The following GLI4 variants were observed in gnomAD, a reference collection of about 807,000 sequenced individuals.
GLI4 encodes GLI family zinc finger 4.
A neutral mutation model predicts 30.9 loss-of-function variants in GLI4; 34 were observed. The ratio of observed to expected loss-of-function variants is 1.10; its 90% CI spans 0.84 to 1.47. The LOEUF (loss-of-function observed/expected upper bound fraction) is 1.47. GLI4 is among the 40% of genes most tolerant of loss of function. GLI4 has a pLI of 0.00. For missense variants in GLI4, 696 were observed against 538.9 expected, an observed-to-expected ratio of 1.29 and a Z score of -2.89; for synonymous variants, 277 against 236.7, an observed-to-expected ratio of 1.17 and a Z score of -1.56.
At chr8:143,275,613 G>A in intron 3 of GLI4, 4 of 1,238,436 alleles carry the variant, frequency 3.2e-6, no homozygotes, top group South Asian at 3.7e-5. Context: ...GGTCTGTCTT[G>A]CCACTGTGGC....
rs770784539 is a variant in GLI4 at position 143,274,741 on chromosome 8, G to A, written c.162G>A (p.Pro54=). The part of the protein sequence containing the change: ...PGSSPKVLSQ[P]SDLDLQDVEE... ...CCAGCCCTAAGGTGCTCTCCCAGCC[G>A]TCCGACCTGGATCTCCAAGACGTAG... The change falls in exon 3 of 4, where the codon CCG becomes CCA. Residue 54 remains proline (P), a synonymous_variant. Coordinates refer to ENST00000340042, the MANE Select transcript of GLI4 (RefSeq NM_138465.4). 7.6e-6 allele frequency: 12 copies of A among 1,569,070 alleles called. No homozygotes were observed. The highest frequency in any genetic ancestry group is 1.7e-4 in the Middle Eastern group (1 of 6,040).
chr8:143,276,878 C>A lies in GLI4; in HGVS notation c.*74C>A. The A allele has an allele frequency of 1.1e-6, 1 of 902,632 alleles. No homozygotes were observed. The highest frequency in any genetic ancestry group is 1.6e-6 in the Non-Finnish European group (1 of 610,322). The allele number at this position is 902,632 out of a possible 1,614,324, so 55.9% of individuals were successfully genotyped here. On this transcript the variant is annotated 3_prime_UTR_variant, in exon 4 of 4. Coordinates refer to ENST00000340042, the MANE Select transcript of GLI4 (RefSeq NM_138465.4). The stretch of plus-strand genomic sequence containing the variant: ...TCCACCCCGTCCCCCACGGTGGGCA[C>A]TGCCCAGCACCGCATGCCACGTGTC...
chr8:143,274,256 AGGTCTGG>A (rs1815334611), intron 2 of GLI4, among the ~76,000 whole-genome samples: 1 of 152,166 alleles, frequency 6.6e-6, no homozygotes, highest in Admixed American at 6.5e-5. Flanking sequence ...AGGGACAGAA[AGGTCTGG>A]GGCCAAGGCA....
chr8:143,269,294 C>G, intron 1 of GLI4, 66 bp from the exon 2 acceptor site: 1 of 1,242,082 alleles, frequency 8.1e-7, no homozygotes, highest in Non-Finnish European at 1.2e-6. Flanking sequence ...ATGTTGCCTC[C>G]TCCTGCACCA....
chr8:143,268,043 T>C, intron 1 of GLI4: 1 of 985,402 alleles, frequency 1.0e-6, no homozygotes, highest in Non-Finnish European at 1.2e-6. Flanking sequence ...TGCTCAGTCC[T>C]GGGGGCCAAG....
chr8:143,274,471 G>T lies in GLI4; in HGVS notation c.125-233G>T, dbSNP rs938404434. ...TGGCTCTGCTTACTGGGCTGAAGGG[G>T]AATGAGCTCCCAATGCTGGCCCCTG... is the stretch of plus-strand genomic sequence containing the variant. On this transcript the variant is annotated intron_variant, in intron 2 of 3. Transcript: ENST00000340042. 1.3e-5 allele frequency: 5 copies of T among 381,202 alleles called. No individual in the cohort carries two copies. In the South Asian group the frequency reaches 2.8e-4, roughly 22 times the overall value. The allele number at this position is 381,202 out of a possible 1,614,324, so 23.6% of individuals were successfully genotyped here. A position where few individuals can be genotyped will look rare whatever the true frequency, so the allele number is the denominator to read the frequency against.
intron 2 of GLI4, among the ~76,000 whole-genome samples, chr8:143,270,409 G>A (rs1563735224): frequency 6.6e-6 from 1 of 152,220 alleles, no homozygotes; most frequent in Non-Finnish European, 1.5e-5. Flanking sequence ...CAGGCAGCTT[G>A]GCATCCACTC....
rs1174957869 is a variant in GLI4, at chr8:143,276,755, G to T, written c.1082G>T (p.Gly361Val). 6.2e-7 allele frequency: 1 copy of T among 1,604,876 alleles called. No individual in the cohort carries two copies. The change falls in exon 4 of 4, where the codon GGC becomes GTC. Residue 361 changes from glycine (G) to valine (V), a missense_variant. Physicochemically the swap from Gly to Val is moderately radical, Grantham distance 109. Coordinates refer to ENST00000340042, the MANE Select transcript of GLI4 (RefSeq NM_138465.4). The stretch of plus-strand genomic sequence containing the variant: ...TGTGGCGCCTGCGGCAAGGCCTTCG[G>T]CCAGAGCTCCCAGCTCATCCAGCAC... ...FACGACGKAF[G>V]QSSQLIQHQR...
rs532080854 is a variant in GLI4 at position 143,268,318 on chromosome 8, C to CT, written c.-38+838dup. Among the ~76,000 whole-genome samples, 169 of 152,228 alleles carry CT rather than the reference C, an allele frequency of 1.1e-3. 1 individual carries two copies. The highest frequency in any genetic ancestry group is 2.0e-3 in the Non-Finnish European group (136 of 68,042). On this transcript the variant is annotated intron_variant, in intron 1 of 3. Coordinates refer to ENST00000340042, the MANE Select transcript of GLI4 (RefSeq NM_138465.4). ...CTGAGTATCCGTTAACTTTTGTCCTCTTTTCCCGTTCCTTTCTTCACTCCC... is the reference window on the plus strand; with the variant it reads ...CTGAGTATCCGTTAACTTTTGTCCTCTTTTTCCCGTTCCTTTCTTCACTCCC...
At position 143,276,190 on chromosome 8, in the gene GLI4, C is replaced by G. The variant is rs765212881; in HGVS notation, c.517C>G (p.Arg173Gly). The G allele has an allele frequency of 9.0e-6, 14 of 1,563,990 alleles. No individual in the cohort carries two copies. The Admixed American group carries it at 2.5e-4, about 28-fold the overall frequency. Reference sequence around the variant, plus strand: ...GCTGGGAGTCAACTTCGGTCGGAGCCGGCAGGGCAGCGCGCGGGGGGCCAA... The same window carrying G: ...GCTGGGAGTCAACTTCGGTCGGAGCGGGCAGGGCAGCGCGCGGGGGGCCAA... ...AELGVNFGRS[R>G]QGSARGAKPH... is the part of the protein sequence containing the mutation. The change falls in exon 4 of 4, where the codon CGG (arginine) becomes GGG (glycine). Residue 173 changes from arginine (R) to glycine (G), a missense_variant. Transcript: ENST00000340042.
At position 143,276,326 on chromosome 8, in the gene GLI4, A is replaced by C; in HGVS notation, c.653A>C (p.Lys218Thr). ...CCCTACGCCTGCCACGAGTGCGGCA[A>C]GCGCTTCCGCGGCTGGTCGGGCTTC... is the stretch of plus-strand genomic sequence containing the variant. Reference protein sequence around the residue: ...EKPYACHECGKRFRGWSGFIQ... With the variant: ...EKPYACHECGTRFRGWSGFIQ... Residue 218 changes from lysine (K) to threonine (T), a missense_variant, in exon 4 of 4, where the codon AAG becomes ACG. Lys to Thr is a moderately conservative substitution (Grantham distance 78, BLOSUM62 -1). Coordinates refer to ENST00000340042, the MANE Select transcript of GLI4 (RefSeq NM_138465.4). 6.2e-7 allele frequency: 1 copy of C among 1,611,686 alleles called. No individual in the cohort carries two copies. Among genetic ancestry groups the C allele is most frequent in the Non-Finnish European group, 8.5e-7 (1 of 1,179,480 alleles).
intron 1 of GLI4, chr8:143,267,825 C>T (rs1815171257): frequency 9.1e-6 from 9 of 985,424 alleles, no homozygotes; most frequent in Non-Finnish European, 9.6e-6. Flanking sequence ...GAGCGAGGAG[C>T]CGCCGGACCC....
rs1331786442 is a variant in GLI4, at chr8:143,273,514, G to A, written c.125-1190G>A. ...GCGGGAGGGCGTGTCGGGTGAGTGA[G>A]TGGCTGGCTGGACTGGGGAGGTCCC... On this transcript the variant is annotated intron_variant, in intron 2 of 3. Transcript: ENST00000340042. The A allele has an allele frequency of 1.3e-5, 2 of 152,322 alleles. 1 individual carries two copies. Among genetic ancestry groups the A allele is most frequent in the Middle Eastern group, 6.3e-3 (2 of 316 alleles). 9.4% of individuals were successfully genotyped at this position (152,322 alleles called of 1,614,324 possible). A position where few individuals can be genotyped will look rare whatever the true frequency, so the allele number is the denominator to read the frequency against.
At chr8:143,269,746 C>T (rs1412384964) in intron 2 of GLI4, among the ~76,000 whole-genome samples, 1 of 152,242 alleles carries the variant, frequency 6.6e-6, no homozygotes, top group African/African-American at 2.4e-5. Flanking sequence ...TGAGCTCTCG[C>T]TCCCTAGGGA....
intron 2 of GLI4, 56 bp from the exon 3 acceptor site, chr8:143,274,648 G>T: frequency 6.7e-7 from 1 of 1,497,458 alleles, no homozygotes; most frequent in Non-Finnish European, 9.0e-7. Flanking sequence ...GGTCAGAGAG[G>T]AGCGGAGGCA....
Position 143,276,857 on chromosome 8 carries a change from C to T in GLI4, c.*53C>T. On this transcript the variant is annotated 3_prime_UTR_variant, in exon 4 of 4. Transcript: ENST00000340042. ...CTACCTGCCCCCAACCCACCCTCCA[C>T]CCCGTCCCCCACGGTGGGCACTGCC... The T allele has an allele frequency of 1.7e-6, 2 of 1,159,338 alleles. No individual in the cohort carries two copies. Among genetic ancestry groups the T allele is most frequent in the Non-Finnish European group, 1.2e-6 (1 of 835,698 alleles). 71.8% of individuals were successfully genotyped at this position (1,159,338 alleles called of 1,614,324 possible).
At chr8:143,274,221 C>T (rs1352326449) in intron 2 of GLI4, among the ~76,000 whole-genome samples, 2 of 152,152 alleles carry the variant, frequency 1.3e-5, no homozygotes, top group African/African-American at 2.4e-5. Flanking sequence ...TCTGGGCGCT[C>T]GTCAAGGACA....
rs1222794266 is a variant in GLI4 at position 143,269,375 on chromosome 8, C to A, written c.-22C>A. The A allele has an allele frequency of 6.2e-7, 1 of 1,609,240 alleles. No individual in the cohort carries two copies. The highest frequency in any genetic ancestry group is 1.7e-5 in the Admixed American group (1 of 59,340). On this transcript the variant is annotated 5_prime_UTR_variant, in exon 2 of 4. Transcript: ENST00000340042. ...TTTTCCCCAGGTCCCAGGTGTGACA[C>A]CTTCAGCAGGTCTCAGGGAAGATGG...
intron 2 of GLI4, among the ~76,000 whole-genome samples, chr8:143,273,820 C>T (rs1299912571): frequency 6.6e-6 from 1 of 151,722 alleles, no homozygotes; most frequent in Non-Finnish European, 1.5e-5. Context: ...GCCACCCTCT[C>T]TGCTGTGGGC....
Sources: gnomAD v4.1 joint callset for allele counts (sites outside exome capture counted in the v4.1 genomes callset) on GRCh38, gnomAD v4.1.1 for gene constraint, MANE v1.5 for transcripts, NCBI Gene and HGNC (gene_info 2026-07-23, HGNC 2026-07-21) for gene names.